Variants in ANKRD30A observed in about 807,000 individuals in gnomAD.
The protein encoded by ANKRD30A is ankyrin repeat domain-containing protein 30A.
A neutral mutation model predicts 166.3 loss-of-function variants in ANKRD30A; 170 were observed. The observed-to-expected ratio is 1.02, with a 90% CI of 0.90 to 1.16. ANKRD30A has a LOEUF of 1.16. Among genes scored for constraint, ANKRD30A ranks in the 50% most tolerant of loss-of-function variants. The pLI, the probability that ANKRD30A is intolerant of heterozygous loss-of-function variation, is 0.00. For synonymous variants in ANKRD30A, 564 were observed against 508.9 expected, an observed-to-expected ratio of 1.11 and a Z score of -1.46; for missense variants, 1,630 against 1,518.0, an observed-to-expected ratio of 1.07 and a Z score of -1.23.
chr10:37,150,205 T>C (rs1286785070), intron 11 of ANKRD30A, among the ~76,000 whole-genome samples: 1 of 152,194 alleles, frequency 6.6e-6, no homozygotes, highest in East Asian at 1.9e-4. Context: ...ACTTCGGGGA[T>C]CACGTCTTTT....
intron 5 of ANKRD30A, among the ~76,000 whole-genome samples, chr10:37,134,433 A>G (rs1339842335): frequency 2.0e-5 from 3 of 152,148 alleles, no homozygotes; most frequent in Non-Finnish European, 4.4e-5. Context: ...AGAAATCACC[A>G]TTCTCTTTAT....
intron 5 of ANKRD30A, among the ~76,000 whole-genome samples, chr10:37,134,731 A>G (rs1220759617): frequency 6.6e-6 from 1 of 152,210 alleles, no homozygotes; most frequent in Non-Finnish European, 1.5e-5. Context: ...TCAAAACCTG[A>G]TGTGAAACCC....
At chr10:37,130,508 G>A in intron 3 of ANKRD30A, 130 bp downstream of exon 3, 1 of 656,048 alleles carries the variant, frequency 1.5e-6, no homozygotes, top group Non-Finnish European at 2.2e-6. Context: ...GAACTTAATT[G>A]TCTAAGATTT....
At chr10:37,195,650 G>A (rs1450530866) in intron 27 of ANKRD30A, among the ~76,000 whole-genome samples, 2 of 152,142 alleles carry the variant, frequency 1.3e-5, no homozygotes, top group African/African-American at 4.8e-5. Context: ...ATGCCAGCAC[G>A]TTGGGAGGCC....
chr10:37,240,994 A>G, the ANKRD30A span: 10 of 152,152 alleles, frequency 6.6e-5, no homozygotes, highest in Non-Finnish European at 1.0e-4. Context: ...CATAATGATA[A>G]TTATTTCAAT....
At position 37,219,847 on chromosome 10, in the gene ANKRD30A, C is replaced by T. The variant is rs533501860; in HGVS notation, c.4135C>T (p.His1379Tyr). The T allele has an allele frequency of 3.8e-5, 60 of 1,581,740 alleles. No individual in the cohort carries two copies. Among genetic ancestry groups the T allele is most frequent in the Non-Finnish European group, 5.0e-5 (58 of 1,163,124 alleles). Reference protein sequence around the residue: ...KNEEIFNYNNHLKNRIYQYEK... With the variant: ...KNEEIFNYNNYLKNRIYQYEK... ...TGAGGAGATATTTAATTACAATAAC[C>T]ATTTAAAAAACCGTATATATCAATA... Residue 1379 changes from histidine (H) to tyrosine (Y), a missense_variant, in exon 34 of 36, where the codon CAT becomes TAT. Transcript: ENST00000361713.
the ANKRD30A span, chr10:37,242,134 A>G: frequency 6.6e-6 from 1 of 152,176 alleles, no homozygotes; most frequent in Non-Finnish European, 1.5e-5. Context: ...TATCTCTTAG[A>G]CTTTCAATTG....
chr10:37,216,954 G>A (rs1203495732), intron 32 of ANKRD30A, among the ~76,000 whole-genome samples: 1 of 150,832 alleles, frequency 6.6e-6, no homozygotes. Context: ...GGAATATAAA[G>A]AAAATGTATA....
intron 34 of ANKRD30A, among the ~76,000 whole-genome samples, chr10:37,224,215 AT>A (rs1465193652): frequency 6.6e-6 from 1 of 151,160 alleles, no homozygotes; most frequent in Non-Finnish European, 1.5e-5. Flanking sequence ...TTCTGAAGAT[AT>A]TTTTGTTTGT....
At chr10:37,229,293 A>G (rs1003599250) in intron 34 of ANKRD30A, among the ~76,000 whole-genome samples, 13 of 152,084 alleles carry the variant, frequency 8.5e-5, no homozygotes, top group African/African-American at 2.9e-4. Flanking sequence ...CATTCTATTC[A>G]TTAGCAGTAA....
At chr10:37,225,740 C>G (rs1843117358) in intron 34 of ANKRD30A, among the ~76,000 whole-genome samples, 1 of 151,788 alleles carries the variant, frequency 6.6e-6, no homozygotes, top group Non-Finnish European at 1.5e-5. Context: ...GATACAAAAG[C>G]AAGCAGTACG....
chr10:37,136,831 G>GTGTGTATATA lies in ANKRD30A; in HGVS notation c.820+161_820+162insGTGTATATAT, dbSNP rs67891035. ...TGTGTGTATGTGTGTGTGTGTGTGT[G>GTGTGTATATA]TATATATATATATATATATAGCTTT... On this transcript the variant is annotated intron_variant, in intron 6 of 35. Coordinates refer to ENST00000361713, the MANE Select transcript of ANKRD30A (RefSeq NM_052997.3). 1.9e-3 allele frequency among the ~76,000 whole-genome samples: 265 copies of GTGTGTATATA among 141,974 alleles called. 1 individual carries two copies. Among genetic ancestry groups the GTGTGTATATA allele is most frequent in the Non-Finnish European group, 2.4e-3 (156 of 65,648 alleles). The allele number at this position is 141,974 out of a possible 152,430, so 93.1% of individuals were successfully genotyped here.
rs180692151 is a variant in ANKRD30A at position 37,162,689 on chromosome 10, T to A, written c.1929+12T>A. The A allele has an allele frequency of 1.9e-6, 3 of 1,612,336 alleles. No homozygotes were observed. The Admixed American group carries it at 5.0e-5, about 27-fold the overall frequency. On this transcript the variant is annotated intron_variant, in intron 16 of 35. Coordinates refer to ENST00000361713, the MANE Select transcript of ANKRD30A (RefSeq NM_052997.3). ...CATCTGCCTTCGAGGTATTTAGTTT[T>A]ATGATTTCATTTTGAATGACTTATT...
chr10:37,196,374 T>A (rs993266979), intron 27 of ANKRD30A, among the ~76,000 whole-genome samples: 38 of 152,140 alleles, frequency 2.5e-4, no homozygotes, highest in Non-Finnish European at 4.9e-4. Flanking sequence ...TGATGTTAGC[T>A]ATTGAAATGA....
At chr10:37,210,880 G>T (rs1409529667) in intron 31 of ANKRD30A, among the ~76,000 whole-genome samples, 1 of 152,096 alleles carries the variant, frequency 6.6e-6, no homozygotes, top group African/African-American at 2.4e-5. Context: ...TGTGTCAGAT[G>T]GATAGATTGC....
chr10:37,133,792 T>A, intron 4 of ANKRD30A, 124 bp from the exon 5 acceptor site: 1 of 1,175,998 alleles, frequency 8.5e-7, no homozygotes, highest in African/African-American at 1.5e-5. Flanking sequence ...TTTACAAGGA[T>A]AAACACTTGA....
the ANKRD30A span, among the ~76,000 whole-genome samples, chr10:37,239,332 C>A: frequency 4.4e-4 from 67 of 152,058 alleles, 3 homozygotes; most frequent in East Asian, 0.012. Context: ...TTTTTTCAAT[C>A]AAATTTTCTG....
intron 9 of ANKRD30A, among the ~76,000 whole-genome samples, 182 bp downstream of exon 9, chr10:37,147,639 CA>C (rs947244656): frequency 1.7e-5 from 2 of 117,652 alleles, no homozygotes; most frequent in Admixed American, 1.8e-4. Flanking sequence ...GTAGAGAGTG[CA>C]AAAAAAACAA....
the ANKRD30A span, among the ~76,000 whole-genome samples, chr10:37,250,934 C>T: frequency 6.6e-6 from 1 of 152,188 alleles, no homozygotes; most frequent in Non-Finnish European, 1.5e-5. Context: ...CAAAACACAC[C>T]TCTACACATT....
Sources: gnomAD v4.1 joint callset for allele counts (sites outside exome capture counted in the v4.1 genomes callset) on GRCh38, gnomAD v4.1.1 for gene constraint, MANE v1.5 for transcripts, NCBI Gene and HGNC (gene_info 2026-07-23, HGNC 2026-07-21) for gene names.